ZNF689: variants seen among roughly 807,000 people sequenced by gnomAD.
The protein encoded by ZNF689 is zinc finger protein 689, also known as short ORF-encoded histone-binding protein.
A neutral mutation model predicts 37.2 loss-of-function variants in ZNF689; 14 were observed. That is an observed-to-expected ratio of 0.38 (90% CI 0.25 to 0.59). The LOEUF is 0.59. ZNF689 is among the 20% of genes least tolerant of loss of function. ZNF689 has a pLI of 0.68. For missense variants in ZNF689, 573 were observed against 700.2 expected (o/e 0.82, Z 2.05); for synonymous variants, 277 against 283.3 (o/e 0.98, Z 0.22).
At position 30,604,957 on chromosome 16, in the gene ZNF689, G is replaced by A. The variant is rs1294586761; in HGVS notation, c.810C>T (p.Phe270=). The A allele has an allele frequency of 3.2e-6, 5 of 1,578,676 alleles. No homozygotes were observed. The highest frequency in any genetic ancestry group is 3.4e-6 in the Non-Finnish European group (4 of 1,160,746). Residue 270 remains phenylalanine, a synonymous_variant, in exon 3 of 3, where the codon TTC becomes TTT. Transcript: ENST00000287461. The surrounding 1 kb of genome is among the most constrained non-coding windows in gnomAD (Gnocchi z 5.2). ...PHQCPSCGRR[F]AYPSLLAIHQ... ...GGATGGCTAGCAGGGAGGGGTAGGCGAAGCGACGTCCACAGCTAGGGCACT... is the reference window on the plus strand; with the variant it reads ...GGATGGCTAGCAGGGAGGGGTAGGCAAAGCGACGTCCACAGCTAGGGCACT...
Position 30,609,827 on chromosome 16 carries a change from C to T in ZNF689, c.205+10G>A. On this transcript the variant is annotated intron_variant, in intron 1 of 2. Coordinates refer to ENST00000287461, the MANE Select transcript of ZNF689 (RefSeq NM_138447.3). ...TCGCGCCCCGCGGCAGCGGATGGGG[C>T]CGGCCTCACCGAGCGCGCCCAGGTG... 1 of 1,594,634 alleles carries T rather than the reference C, an allele frequency of 6.3e-7. No individual in the cohort carries two copies. The highest frequency in any genetic ancestry group is 8.5e-7 in the Non-Finnish European group (1 of 1,172,194).
At position 30,603,617 on chromosome 16, in the gene ZNF689, G is replaced by C. The variant is rs2151243269; in HGVS notation, c.*647C>G. On this transcript the variant is annotated 3_prime_UTR_variant, in exon 3 of 3. Transcript: ENST00000287461. ...GTCTTTAAGGAATGACCAAATTCAT[G>C]CTACTTAACCTGAAAACTTGGGGGC... 1 of 156,488 alleles carries C rather than the reference G, an allele frequency of 6.4e-6. No homozygotes were observed. Among genetic ancestry groups the C allele is most frequent in the Admixed American group, 6.3e-5 (1 of 15,854 alleles). 9.7% of individuals were successfully genotyped at this position (156,488 alleles called of 1,614,324 possible). A position where few individuals can be genotyped will look rare whatever the true frequency, so the allele number is the denominator to read the frequency against.
Position 30,605,535 on chromosome 16 carries a change from C to T in ZNF689, c.320-88G>A, listed in dbSNP as rs2052028197. On this transcript the variant is annotated intron_variant, in intron 2 of 2. Transcript: ENST00000287461. This position sits in a 1 kb window ranked among gnomAD's most constrained non-coding sequence, Gnocchi z 5.1. ...ATAGGTTACAAGACCAATAGACTCACCCCCTGGTCTCAATTCCTAGTGCCA... is the reference window on the plus strand; with the variant it reads ...ATAGGTTACAAGACCAATAGACTCATCCCCTGGTCTCAATTCCTAGTGCCA... 6 of 1,361,650 alleles carry T rather than the reference C, an allele frequency of 4.4e-6. No individual in the cohort carries two copies. The highest frequency in any genetic ancestry group is 1.5e-5 in the African/African-American group (1 of 68,496). The allele number at this position is 1,361,650 out of a possible 1,614,324, so 84.3% of individuals were successfully genotyped here.
In ZNF689 at chr16:30,605,709, G is replaced by C. The variant is rs1007509231; in HGVS notation, c.320-262C>G. Reference sequence around the variant, plus strand: ...GGCACAGTGGATCACGCTTGTAATCGTAAGCACTGGGAGGCCGAGGCGGGC... The same window carrying C: ...GGCACAGTGGATCACGCTTGTAATCCTAAGCACTGGGAGGCCGAGGCGGGC... On this transcript the variant is annotated intron_variant, in intron 2 of 2. Transcript: ENST00000287461. The surrounding 1 kb of genome is among the most constrained non-coding windows in gnomAD (Gnocchi z 5.1). 1.3e-5 allele frequency among the ~76,000 whole-genome samples: 2 copies of C among 152,094 alleles called. No individual in the cohort carries two copies. Among genetic ancestry groups the C allele is most frequent in the Admixed American group, 1.3e-4 (2 of 15,268 alleles).
At position 30,604,762 on chromosome 16, in the gene ZNF689, G is replaced by A; in HGVS notation, c.1005C>T (p.His335=). Residue 335 remains histidine (H), a synonymous_variant, in exon 3 of 3, where the codon CAC becomes CAT. Transcript: ENST00000287461. The surrounding 1 kb of genome is among the most constrained non-coding windows in gnomAD (Gnocchi z 5.2). The part of the protein sequence containing the change: ...RFSSSSRLVS[H]RRVHSGERPY... ...GACGCTCCCCAGAGTGCACACGCCG[G>A]TGACTGACCAGGCGAGAGGAGGAGG... is the stretch of plus-strand genomic sequence containing the variant. 1 of 1,608,456 alleles carries A rather than the reference G, an allele frequency of 6.2e-7. No individual in the cohort carries two copies. The highest frequency in any genetic ancestry group is 8.5e-7 in the Non-Finnish European group (1 of 1,177,884).
At position 30,604,812 on chromosome 16, in the gene ZNF689, A is replaced by G; in HGVS notation, c.955T>C (p.Cys319Arg). Residue 319 changes from cysteine (C) to arginine (R), a missense_variant, in exon 3 of 3, where the codon TGC (cysteine) becomes CGC (arginine). Physicochemically the swap from Cys to Arg is radical, Grantham distance 180. Coordinates refer to ENST00000287461, the MANE Select transcript of ZNF689 (RefSeq NM_138447.3). The surrounding 1 kb of genome is among the most constrained non-coding windows in gnomAD (Gnocchi z 5.2). Reference protein sequence around the residue: ...RIHTGEKPYPCPDCERRFSSS... With the variant: ...RIHTGEKPYPRPDCERRFSSS... ...GAGAAGCGCCGCTCGCAGTCCGGGC[A>G]CGGGTAGGGCTTCTCGCCCGTGTGG... The G allele has an allele frequency of 6.2e-7, 1 of 1,609,562 alleles. No homozygotes were observed. The highest frequency in any genetic ancestry group is 8.5e-7 in the Non-Finnish European group (1 of 1,177,478).
At chr16:30,607,464 G>A (rs929708521) in intron 2 of ZNF689, among the ~76,000 whole-genome samples, 4 of 151,020 alleles carry the variant, frequency 2.6e-5, no homozygotes, top group African/African-American at 9.7e-5. Context: ...GCTGGCGGGC[G>A]CCTGTAATCC....
chr16:30,605,709 G>A lies in ZNF689; in HGVS notation c.320-262C>T, dbSNP rs1007509231. 2.6e-5 allele frequency among the ~76,000 whole-genome samples: 4 copies of A among 152,094 alleles called. No homozygotes were observed. Among genetic ancestry groups the A allele is most frequent in the African/African-American group, 7.2e-5 (3 of 41,416 alleles). On this transcript the variant is annotated intron_variant, in intron 2 of 2. Coordinates refer to ENST00000287461, the MANE Select transcript of ZNF689 (RefSeq NM_138447.3). The surrounding 1 kb of genome is among the most constrained non-coding windows in gnomAD (Gnocchi z 5.1). ...GGCACAGTGGATCACGCTTGTAATC[G>A]TAAGCACTGGGAGGCCGAGGCGGGC...
At position 30,603,158 on chromosome 16, in the gene ZNF689, C is replaced by G. The variant is rs945344717; in HGVS notation, c.*1106G>C. 1 of 152,100 alleles carries G rather than the reference C, an allele frequency of 6.6e-6. No homozygotes were observed. The highest frequency in any genetic ancestry group is 2.4e-5 in the African/African-American group (1 of 41,406). 9.4% of individuals were successfully genotyped at this position (152,100 alleles called of 1,614,324 possible). On this transcript the variant is annotated 3_prime_UTR_variant, in exon 3 of 3. Coordinates refer to ENST00000287461, the MANE Select transcript of ZNF689 (RefSeq NM_138447.3). ...TCAGGGTCAAGTACGGCCCAATTCT[C>G]CAGGCTTTTCCAGGCACTGGCTGCC...
rs1050090250 is a variant in ZNF689 at position 30,604,920 on chromosome 16, G to A, written c.847C>T (p.His283Tyr). The A allele has an allele frequency of 6.4e-7, 1 of 1,574,196 alleles. No individual in the cohort carries two copies. Among genetic ancestry groups the A allele is most frequent in the Non-Finnish European group, 8.6e-7 (1 of 1,159,038 alleles). The change falls in exon 3 of 3, where the codon CAC (histidine) becomes TAC (tyrosine). Residue 283 changes from histidine to tyrosine, a missense_variant. Physicochemically the swap from His to Tyr is moderately conservative, Grantham distance 83. Around this residue, in one of 3 missense-constraint regions of ZNF689, gnomAD observed 317 missense variants for 367.1 expected, o/e 0.86. Transcript: ENST00000287461. The surrounding 1 kb of genome is among the most constrained non-coding windows in gnomAD (Gnocchi z 5.2). ...CAAGTGTAGGGCTTCTCTCCCGTGT[G>A]TGTACGCTGGTGGATGGCTAGCAGG... ...PSLLAIHQRT[H>Y]TGEKPYTCLE... is the part of the protein sequence containing the mutation.
At chr16:30,610,439 T>G, upstream of ZNF689, 3 of 201,426 alleles carry the variant, frequency 1.5e-5, no homozygotes, top group South Asian at 8.4e-5. Context: ...AATACGCGCG[T>G]TCATTGGACG....
At chr16:30,607,035 G>A (rs1352287569) in intron 2 of ZNF689, among the ~76,000 whole-genome samples, 1 of 151,654 alleles carries the variant, frequency 6.6e-6, no homozygotes, top group Admixed American at 6.6e-5. Context: ...CGGATCACCT[G>A]AGGTCAGGAG....
chr16:30,606,023 G>T (rs1210838375), intron 2 of ZNF689, among the ~76,000 whole-genome samples: 1 of 152,052 alleles, frequency 6.6e-6, no homozygotes, highest in Non-Finnish European at 1.5e-5. Flanking sequence ...TATCAGCCAG[G>T]CATGGTTGCT....
chr16:30,604,651 G>T lies in ZNF689; in HGVS notation c.1116C>A (p.Pro372=). 6.2e-7 allele frequency: 1 copy of T among 1,611,308 alleles called. No individual in the cohort carries two copies. The highest frequency in any genetic ancestry group is 8.5e-7 in the Non-Finnish European group (1 of 1,179,356). Residue 372 remains proline, a synonymous_variant, in exon 3 of 3, where the codon CCC becomes CCA. Coordinates refer to ENST00000287461, the MANE Select transcript of ZNF689 (RefSeq NM_138447.3). The surrounding 1 kb of genome is among the most constrained non-coding windows in gnomAD (Gnocchi z 5.2). The stretch of plus-strand genomic sequence containing the variant: ...CACGCCCACAGTCTGGGCAGGGGTA[G>T]GGCTTCTCTCCGGTGTGCAAGAGCT... The part of the protein sequence containing the change: ...QHQLLHTGEK[P]YPCPDCGRAF...
rs1409446263 is a variant in ZNF689, at chr16:30,604,496, G to A, written c.1271C>T (p.Ser424Leu). Reference protein sequence around the residue: ...SLLASHRRVHSGERPYACDLC... With the variant: ...SLLASHRRVHLGERPYACDLC... ...GTCGCAGGCATAGGGCCGCTCGCCCGAGTGCACGCGCCGGTGGCTGGCCAG... is the reference window on the plus strand; with the variant it reads ...GTCGCAGGCATAGGGCCGCTCGCCCAAGTGCACGCGCCGGTGGCTGGCCAG... Residue 424 changes from serine to leucine, a missense_variant, in exon 3 of 3, where the codon TCG becomes TTG. Transcript: ENST00000287461. This position sits in a 1 kb window ranked among gnomAD's most constrained non-coding sequence, Gnocchi z 5.2. 7.5e-6 allele frequency: 12 copies of A among 1,600,020 alleles called. No individual in the cohort carries two copies. Among genetic ancestry groups the A allele is most frequent in the Middle Eastern group, 1.7e-4 (1 of 6,060 alleles).
Position 30,603,001 on chromosome 16 carries a change from CT to C in ZNF689, c.*1262del, listed in dbSNP as rs1567526358. The C allele has an allele frequency of 1.3e-5, 2 of 152,262 alleles. No individual in the cohort carries two copies. Among genetic ancestry groups the C allele is most frequent in the South Asian group, 4.1e-4 (2 of 4,836 alleles). 9.4% of individuals were successfully genotyped at this position (152,262 alleles called of 1,614,324 possible). On this transcript the variant is annotated 3_prime_UTR_variant, in exon 3 of 3. Coordinates refer to ENST00000287461, the MANE Select transcript of ZNF689 (RefSeq NM_138447.3). ...CTTGATGACTATAGACTCTTCCTCT[CT>C]GGATTCAGTTCCCTCTTTCTAGCCT... is the stretch of plus-strand genomic sequence containing the variant.
chr16:30,605,182 G>A lies in ZNF689; in HGVS notation c.585C>T (p.His195=). 1 of 1,614,128 alleles carries A rather than the reference G, an allele frequency of 6.2e-7. No homozygotes were observed. ...GGCACTCGCCGGAGTGTGCCCGCCG[G>A]TGACTGACCAGCAGGGATGGATAGG... is the stretch of plus-strand genomic sequence containing the variant. ...RFSYPSLLVS[H]RRAHSGECPY... The change falls in exon 3 of 3, where the codon CAC becomes CAT. Residue 195 remains histidine, a synonymous_variant. Coordinates refer to ENST00000287461, the MANE Select transcript of ZNF689 (RefSeq NM_138447.3). The surrounding 1 kb of genome is among the most constrained non-coding windows in gnomAD (Gnocchi z 5.1).
Position 30,605,164 on chromosome 16 carries a change from G to A in ZNF689, c.603C>T (p.Gly201=), listed in dbSNP as rs776494525. 3 of 1,613,214 alleles carry A rather than the reference G, an allele frequency of 1.9e-6. No homozygotes were observed. The highest frequency in any genetic ancestry group is 1.7e-6 in the Non-Finnish European group (2 of 1,179,754). The change falls in exon 3 of 3, where the codon GGC becomes GGT. Residue 201 remains glycine (G), a synonymous_variant. Transcript: ENST00000287461. This position sits in a 1 kb window ranked among gnomAD's most constrained non-coding sequence, Gnocchi z 5.1. ...LLVSHRRAHS[G]ECPYVCDQCG... Reference sequence around the variant, plus strand: ...ACTGGTCACAAACATAGGGGCACTCGCCGGAGTGTGCCCGCCGGTGACTGA... The same window carrying A: ...ACTGGTCACAAACATAGGGGCACTCACCGGAGTGTGCCCGCCGGTGACTGA...
At chr16:30,608,750 G>C (rs1567529045) in intron 2 of ZNF689, among the ~76,000 whole-genome samples, 1 of 152,108 alleles carries the variant, frequency 6.6e-6, no homozygotes, top group Non-Finnish European at 1.5e-5. Context: ...TAACAACCTT[G>C]GCAAAAATTA....
Sources: gnomAD v4.1 joint callset for allele counts (sites outside exome capture counted in the v4.1 genomes callset) on GRCh38, gnomAD v4.1.1 for gene constraint, gnomAD v4.1.1 regional missense constraint, Gnocchi (gnomAD v3.1) non-coding constraint, MANE v1.5 for transcripts, NCBI Gene and HGNC (gene_info 2026-07-23, HGNC 2026-07-21) for gene names.